The following NKAIN3 variants were observed in gnomAD, a reference collection of about 807,000 sequenced individuals.
The protein encoded by NKAIN3 is sodium/potassium-transporting ATPase subunit beta-1-interacting protein 3.
NKAIN3 carries 25 observed loss-of-function variants against 30.2 expected under a neutral mutation model. That is an observed-to-expected ratio of 0.83 (90% CI 0.60 to 1.16). The LOEUF is 1.16. Ranked by LOEUF, NKAIN3 falls within the 50% of genes most tolerant of loss-of-function variation. NKAIN3 has a pLI of 0.00. For synonymous variants in NKAIN3, 91 were observed against 89.6 expected, an observed-to-expected ratio of 1.02 and a Z score of -0.09; for missense variants, 225 against 254.1, an observed-to-expected ratio of 0.89 and a Z score of 0.78.
chr8:62,395,996 T>C (rs1458162375), intron 1 of NKAIN3, among the ~76,000 whole-genome samples: 1 of 152,250 alleles, frequency 6.6e-6, no homozygotes, highest in African/African-American at 2.4e-5. Flanking sequence ...CTTTATGAGC[T>C]ACCAGAATTA....
At chr8:62,476,221 G>A (rs895864241) in intron 1 of NKAIN3, among the ~76,000 whole-genome samples, 3 of 152,114 alleles carry the variant, frequency 2.0e-5, no homozygotes, top group Non-Finnish European at 4.4e-5. Context: ...GGAATGTAGT[G>A]ACTAAAAAAT....
At chr8:62,804,418 C>T (rs1230874921) in intron 4 of NKAIN3, among the ~76,000 whole-genome samples, 1 of 152,086 alleles carries the variant, frequency 6.6e-6, no homozygotes, top group Non-Finnish European at 1.5e-5. Context: ...ACTGGCAAAC[C>T]AAATCCAGCA....
chr8:62,395,106 C>T (rs1339205066), intron 1 of NKAIN3, among the ~76,000 whole-genome samples: 1 of 143,364 alleles, frequency 7.0e-6, no homozygotes, highest in African/African-American at 2.6e-5. Context: ...GATGATGGGG[C>T]GACGGGACAG....
In NKAIN3 at chr8:62,668,238, CA is replaced by C. The variant is rs1813192590; in HGVS notation, c.273+78445del. 2.0e-5 allele frequency among the ~76,000 whole-genome samples: 3 copies of C among 152,122 alleles called. No homozygotes were observed. The South Asian group carries it at 6.2e-4, about 31-fold the overall frequency. The stretch of plus-strand genomic sequence containing the variant: ...TTTCTCGATGCCCTTCCCATGAAAC[CA>C]TAAACTCCAATAAGGCATGGACTTT... On this transcript the variant is annotated intron_variant, in intron 3 of 6. Transcript: ENST00000623646.
intron 3 of NKAIN3, among the ~76,000 whole-genome samples, chr8:62,687,952 A>G (rs929127356): frequency 3.3e-5 from 5 of 152,266 alleles, no homozygotes; most frequent in African/African-American, 1.2e-4. Context: ...GAAAAAGGGG[A>G]AACTACCAAG....
At chr8:62,325,580 C>G (rs1815089255) in intron 1 of NKAIN3, among the ~76,000 whole-genome samples, 1 of 152,086 alleles carries the variant, frequency 6.6e-6, no homozygotes, top group Non-Finnish European at 1.5e-5. Context: ...AGTGTTTGTA[C>G]TAGTTTACAT....
intron 4 of NKAIN3, among the ~76,000 whole-genome samples, chr8:62,845,666 A>G (rs984796993): frequency 6.6e-6 from 1 of 152,144 alleles, no homozygotes; most frequent in Non-Finnish European, 1.5e-5. Context: ...TTCACATAAT[A>G]GGCCATACAG....
intron 5 of NKAIN3, among the ~76,000 whole-genome samples, chr8:62,928,484 G>A (rs777428269): frequency 2.0e-5 from 3 of 152,088 alleles, no homozygotes; most frequent in Non-Finnish European, 2.9e-5. Context: ...CACCTTCAGC[G>A]ATATCATGAC....
At chr8:62,644,759 T>A (rs1292045212) in intron 3 of NKAIN3, among the ~76,000 whole-genome samples, 1 of 152,164 alleles carries the variant, frequency 6.6e-6, no homozygotes, top group East Asian at 1.9e-4. Context: ...AATATGTATT[T>A]GGAAGGTCTT....
intron 4 of NKAIN3, among the ~76,000 whole-genome samples, chr8:62,874,228 C>A (rs1399921410): frequency 6.6e-6 from 1 of 152,066 alleles, no homozygotes; most frequent in African/African-American, 2.4e-5. Flanking sequence ...ACTAGACAAT[C>A]TAGAAGAAAT....
At chr8:62,769,825 A>C (rs191396197) in intron 4 of NKAIN3, among the ~76,000 whole-genome samples, 1 of 152,334 alleles carries the variant, frequency 6.6e-6, no homozygotes. Flanking sequence ...GAGATTCAAC[A>C]GTCCTCTCTG....
chr8:62,721,011 C>A (rs1815071414), intron 3 of NKAIN3, among the ~76,000 whole-genome samples: 4 of 152,158 alleles, frequency 2.6e-5, no homozygotes, highest in Admixed American at 2.6e-4. Flanking sequence ...CATATACTGA[C>A]CTCTGAGATG....
chr8:62,444,703 C>T (rs1282546608), intron 1 of NKAIN3, among the ~76,000 whole-genome samples: 3 of 152,090 alleles, frequency 2.0e-5, no homozygotes, highest in Admixed American at 2.0e-4. Context: ...ATATTTATTT[C>T]CTTTCTCTCA....
intron 4 of NKAIN3, among the ~76,000 whole-genome samples, chr8:62,813,765 G>A (rs945854395): frequency 4.6e-5 from 7 of 151,832 alleles, no homozygotes; most frequent in Non-Finnish European, 1.0e-4. Flanking sequence ...AACTGGGCAC[G>A]TTTTCATGAG....
At chr8:62,350,772 C>A (rs1489015649) in intron 1 of NKAIN3, among the ~76,000 whole-genome samples, 1 of 151,992 alleles carries the variant, frequency 6.6e-6, no homozygotes, top group Non-Finnish European at 1.5e-5. Flanking sequence ...CTCACAGCAA[C>A]CTCTGCCTCC....
chr8:62,341,779 A>C (rs1428858618), intron 1 of NKAIN3, among the ~76,000 whole-genome samples: 2 of 152,016 alleles, frequency 1.3e-5, no homozygotes, highest in East Asian at 3.9e-4. Context: ...TTCTTTTGAC[A>C]ACATGAGACC....
intron 1 of NKAIN3, among the ~76,000 whole-genome samples, chr8:62,425,222 A>C (rs1277171586): frequency 6.6e-6 from 1 of 151,860 alleles, no homozygotes; most frequent in Non-Finnish European, 1.5e-5. Context: ...TTGTGTCTAT[A>C]GTTAACAATA....
intron 4 of NKAIN3, among the ~76,000 whole-genome samples, chr8:62,892,931 G>A (rs546750714): frequency 6.6e-6 from 1 of 152,218 alleles, no homozygotes; most frequent in East Asian, 1.9e-4. Context: ...AAAAATAAAG[G>A]GATGGGGAGG....
chr8:62,743,125 C>A (rs1467631144), intron 3 of NKAIN3, among the ~76,000 whole-genome samples: 1 of 152,126 alleles, frequency 6.6e-6, no homozygotes, highest in South Asian at 2.1e-4. Context: ...GGGACACAGC[C>A]AAATTATATC....
Sources: gnomAD v4.1 joint callset for allele counts (sites outside exome capture counted in the v4.1 genomes callset) on GRCh38, gnomAD v4.1.1 for gene constraint, MANE v1.5 for transcripts, NCBI Gene and HGNC (gene_info 2026-07-23, HGNC 2026-07-21) for gene names.